SYCP1: variants seen among roughly 807,000 people sequenced by gnomAD.
SYCP1 encodes the protein cancer/testis antigen 8.
A neutral mutation model predicts 153.1 loss-of-function variants in SYCP1; 64 were observed. That is an observed-to-expected ratio of 0.42 (90% CI 0.34 to 0.51). SYCP1 has a LOEUF of 0.51. Ranked by LOEUF, SYCP1 falls within the 20% of genes least tolerant of loss-of-function variation. The pLI is 0.06. For missense variants in SYCP1, 997 were observed against 1,049.0 expected (o/e 0.95, Z 0.68); for synonymous variants, 384 against 341.8 (o/e 1.12, Z -1.36).
At chr1:114,860,715 A>G in intron 7 of SYCP1, 21 bp from the exon 8 acceptor site, 3 of 1,572,264 alleles carry the variant, frequency 1.9e-6, no homozygotes, top group Non-Finnish European at 2.6e-6. Flanking sequence ...ACACACAGGC[A>G]AACTCTTTCC....
At position 114,877,734 on chromosome 1, in the gene SYCP1, A is replaced by G. The variant is rs140621022; in HGVS notation, c.802-360A>G. ...GGGGTTTCTAAATTCTTGCTTGTGGATATAAACTTGGCTGATGGCATTCTG... is the reference window on the plus strand; with the variant it reads ...GGGGTTTCTAAATTCTTGCTTGTGGGTATAAACTTGGCTGATGGCATTCTG... On this transcript the variant is annotated intron_variant, in intron 11 of 31. Coordinates refer to ENST00000369522, the MANE Select transcript of SYCP1 (RefSeq NM_003176.4). Among the ~76,000 whole-genome samples the G allele has an allele frequency of 4.1e-3, 626 of 152,236 alleles. 2 individuals carry two copies. The highest frequency in any genetic ancestry group is 6.9e-3 in the Non-Finnish European group (471 of 68,002).
rs1045815033 is a variant in SYCP1 at position 114,858,417 on chromosome 1, A to G, written c.292-130A>G. On this transcript the variant is annotated intron_variant, in intron 5 of 31. Coordinates refer to ENST00000369522, the MANE Select transcript of SYCP1 (RefSeq NM_003176.4). The stretch of plus-strand genomic sequence containing the variant: ...TAAAAGAGTTAATGTGGCTTTCAGT[A>G]TGCTATTAGTGCTTAAATTGAGGAG... 4.8e-6 allele frequency: 3 copies of G among 625,490 alleles called. No homozygotes were observed. The African/African-American group carries it at 5.5e-5, about 11-fold the overall frequency. The allele number at this position is 625,490 out of a possible 1,614,324, so 38.7% of individuals were successfully genotyped here.
chr1:114,938,347 A>G (rs1002106357), intron 23 of SYCP1, among the ~76,000 whole-genome samples: 3 of 143,006 alleles, frequency 2.1e-5, no homozygotes, highest in Non-Finnish European at 4.6e-5. Flanking sequence ...GAATTGAACA[A>G]TGAGAACACT....
chr1:114,911,804 T>C (rs1476319096), intron 18 of SYCP1, among the ~76,000 whole-genome samples: 1 of 152,038 alleles, frequency 6.6e-6, no homozygotes, highest in Non-Finnish European at 1.5e-5. Flanking sequence ...CCACTTTAGA[T>C]CAATGTGTTA....
At chr1:114,991,005 T>C (rs1353534173) in intron 30 of SYCP1, among the ~76,000 whole-genome samples, 1 of 151,956 alleles carries the variant, frequency 6.6e-6, no homozygotes, top group Non-Finnish European at 1.5e-5. Flanking sequence ...TTTATCTGTA[T>C]CCCTTGCATA....
chr1:114,909,532 ACACG>A (rs1047131329), intron 16 of SYCP1, among the ~76,000 whole-genome samples: 3 of 137,112 alleles, frequency 2.2e-5, no homozygotes, highest in Non-Finnish European at 4.7e-5. Flanking sequence ...ACACACACAC[ACACG>A]TTTATATGTA....
At chr1:114,873,163 T>C (rs1259767622) in intron 8 of SYCP1, among the ~76,000 whole-genome samples, 1 of 152,224 alleles carries the variant, frequency 6.6e-6, no homozygotes, top group Non-Finnish European at 1.5e-5. Context: ...AGTCTGGTTC[T>C]TATGCTTGTC....
chr1:114,887,679 AATC>A lies in SYCP1; in HGVS notation c.1246_1248del (p.Ser417del). The stretch of plus-strand genomic sequence containing the variant: ...ATACTTACCATGGAGCTTCAAAAGA[AATC>A]AAGTGAGCTGGGTAAGACTTAGAGA... On this transcript the variant is annotated inframe_deletion, in exon 15 of 32. Coordinates refer to ENST00000369522, the MANE Select transcript of SYCP1 (RefSeq NM_003176.4). 6.4e-7 allele frequency: 1 copy of A among 1,553,446 alleles called. No homozygotes were observed. Among genetic ancestry groups the A allele is most frequent in the Non-Finnish European group, 8.7e-7 (1 of 1,146,144 alleles).
At chr1:114,975,774 G>A (rs1160072376) in intron 27 of SYCP1, among the ~76,000 whole-genome samples, 2 of 151,654 alleles carry the variant, frequency 1.3e-5, no homozygotes, top group Admixed American at 1.3e-4. Context: ...ATTTGATGGG[G>A]CCTTAATCTC....
chr1:114,920,392 G>T (rs1213031693), intron 20 of SYCP1, among the ~76,000 whole-genome samples: 1 of 152,044 alleles, frequency 6.6e-6, no homozygotes, highest in Admixed American at 6.6e-5. Context: ...TTGTTTTGTG[G>T]CTTAACGTAT....
chr1:114,926,701 C>A (rs1208182346), intron 23 of SYCP1, 138 bp downstream of exon 23: 1 of 683,620 alleles, frequency 1.5e-6, no homozygotes, highest in Non-Finnish European at 2.3e-6. Context: ...AGGTTGTTAT[C>A]TTTTTAAATA....
chr1:114,927,715 T>C (rs1034613451), intron 23 of SYCP1, among the ~76,000 whole-genome samples: 1 of 151,962 alleles, frequency 6.6e-6, no homozygotes, highest in Non-Finnish European at 1.5e-5. Flanking sequence ...GAAGAAGAGT[T>C]TTTAAAAGAA....
In SYCP1 at chr1:114,878,144, T is replaced by G. The variant is rs1416793431; in HGVS notation, c.852T>G (p.Asp284Glu). The G allele has an allele frequency of 6.3e-7, 1 of 1,589,214 alleles. No homozygotes were observed. Among genetic ancestry groups the G allele is most frequent in the Admixed American group, 1.7e-5 (1 of 58,170 alleles). ...QITEKENKMK[D>E]LTFLLEESRD... is the part of the protein sequence containing the mutation. Reference sequence around the variant, plus strand: ...CTGAGAAAGAAAATAAAATGAAAGATTTAACATTTCTGCTAGAGGAATCCA... The same window carrying G: ...CTGAGAAAGAAAATAAAATGAAAGAGTTAACATTTCTGCTAGAGGAATCCA... The change falls in exon 12 of 32, where the codon GAT (aspartate) becomes GAG (glutamate). Residue 284 changes from aspartate to glutamate, a missense_variant. Physicochemically the swap from Asp to Glu is conservative, Grantham distance 45. Transcript: ENST00000369522.
intron 18 of SYCP1, among the ~76,000 whole-genome samples, chr1:114,912,129 A>C (rs1180492777): frequency 6.6e-6 from 1 of 151,862 alleles, no homozygotes; most frequent in East Asian, 1.9e-4. Flanking sequence ...TAAATATGAG[A>C]AGTAAACAGT....
At chr1:114,912,370 C>T (rs935612202) in intron 18 of SYCP1, among the ~76,000 whole-genome samples, 1 of 151,808 alleles carries the variant, frequency 6.6e-6, no homozygotes, top group African/African-American at 2.4e-5. Context: ...TGATGAATTT[C>T]CAGTATCATT....
chr1:114,944,870 A>G lies in SYCP1; in HGVS notation c.2044-2A>G. ...AACTTTTTTTTTTTGCTTATTTGAT[A>G]GGTTGAGAAAGCAAAAGTAATAGCT... On this transcript the variant is annotated splice_acceptor_variant, in intron 24 of 31. Coordinates refer to ENST00000369522, the MANE Select transcript of SYCP1 (RefSeq NM_003176.4). LOFTEE classifies it high-confidence loss of function. 1 of 1,552,254 alleles carries G rather than the reference A, an allele frequency of 6.4e-7. No homozygotes were observed.
chr1:114,946,822 C>T (rs1456977821), intron 26 of SYCP1, among the ~76,000 whole-genome samples: 1 of 152,144 alleles, frequency 6.6e-6, no homozygotes, highest in East Asian at 1.9e-4. Context: ...TCACTGCAAC[C>T]TCCACCTCCC....
chr1:114,854,679 C>G (rs975133995), upstream of SYCP1: 3 of 152,224 alleles, frequency 2.0e-5, no homozygotes, highest in Non-Finnish European at 4.4e-5. Flanking sequence ...TGTCATAGAG[C>G]CTGACAGTTT....
chr1:114,886,352 AAAC>A (rs1260049034), intron 14 of SYCP1, 43 bp downstream of exon 14: 3 of 1,422,964 alleles, frequency 2.1e-6, no homozygotes, highest in Non-Finnish European at 2.8e-6. Context: ...AAGTGAATAA[AAAC>A]AATTTACTTT....
Sources: gnomAD v4.1 joint callset for allele counts (sites outside exome capture counted in the v4.1 genomes callset) on GRCh38, gnomAD v4.1.1 for gene constraint, MANE v1.5 for transcripts, NCBI Gene and HGNC (gene_info 2026-07-23, HGNC 2026-07-21) for gene names.